VPS37A: variants seen among roughly 807,000 people sequenced by gnomAD.
VPS37A encodes vacuolar protein sorting-associated protein 37A.
VPS37A carries 30 observed loss-of-function variants against 49.8 expected under a neutral mutation model. The ratio of observed to expected loss-of-function variants is 0.60; its 90% confidence interval spans 0.45 to 0.82. VPS37A has a LOEUF of 0.82. Ranked by LOEUF, VPS37A falls within the 40% of genes least tolerant of loss-of-function variation. VPS37A has a pLI of 0.00. For missense variants in VPS37A, 593 were observed against 464.4 expected (o/e 1.28, Z -2.55); for synonymous variants, 195 against 160.6 (o/e 1.21, Z -1.62).
At chr8:17,260,400 A>G (rs73200928) in intron 1 of VPS37A, among the ~76,000 whole-genome samples, 5,413 of 152,198 alleles carry the variant, frequency 0.036, 149 homozygotes, top group Non-Finnish European at 0.051. Context: ...AGATTTTTAT[A>G]TTACCTATCT....
chr8:17,271,887 T>C (rs1360204285), intron 4 of VPS37A: 2 of 433,148 alleles, frequency 4.6e-6, no homozygotes, highest in Non-Finnish European at 9.2e-6. Context: ...TTGAGAATCT[T>C]AGGGAAGCTA....
intron 4 of VPS37A, among the ~76,000 whole-genome samples, chr8:17,274,186 G>C (rs752483375): frequency 6.6e-6 from 1 of 152,224 alleles, no homozygotes; most frequent in African/African-American, 2.4e-5. Context: ...ACATAATGCT[G>C]TGTGACTCTA....
intron 1 of VPS37A, among the ~76,000 whole-genome samples, chr8:17,257,715 T>G (rs1812600562): frequency 1.3e-5 from 2 of 152,224 alleles, no homozygotes. Flanking sequence ...AAATCTGTAA[T>G]TTGCTTTGGG....
chr8:17,275,921 C>T (rs114924131), intron 5 of VPS37A, among the ~76,000 whole-genome samples: 1 of 152,058 alleles, frequency 6.6e-6, no homozygotes, highest in African/African-American at 2.4e-5. Flanking sequence ...AACAAAATTA[C>T]AAGAGGACTT....
At chr8:17,257,042 G>C (rs1203610087) in intron 1 of VPS37A, among the ~76,000 whole-genome samples, 1 of 152,134 alleles carries the variant, frequency 6.6e-6, no homozygotes, top group Non-Finnish European at 1.5e-5. Flanking sequence ...TTTTCTTCTA[G>C]TAGTTCCATA....
chr8:17,300,426 A>G (rs1031812222), downstream of VPS37A: 3 of 588,274 alleles, frequency 5.1e-6, no homozygotes, highest in Middle Eastern at 4.5e-4. Context: ...TAAGGATAAT[A>G]CCTGCCTTGA....
downstream of VPS37A, among the ~76,000 whole-genome samples, chr8:17,303,857 G>A (rs746229952): frequency 9.2e-5 from 14 of 152,234 alleles, no homozygotes; most frequent in Middle Eastern, 3.4e-3. Flanking sequence ...TGATCCACCC[G>A]CCTCGGCTAA....
In VPS37A at chr8:17,274,878, A is replaced by C. The variant is rs1814365991; in HGVS notation, c.562A>C (p.Thr188Pro). ...TTCTTCTTCAACAACAAGTCATACC[A>C]CAGCCAAGCCTGCCGCTCCTTCATT... is the stretch of plus-strand genomic sequence containing the variant. ...TVSSSTTSHT[T>P]AKPAAPSFGV... The change falls in exon 5 of 12, where the codon ACA (threonine) becomes CCA (proline). Residue 188 changes from threonine to proline, a missense_variant. Physicochemically the swap from Thr to Pro is conservative, Grantham distance 38. Transcript: ENST00000324849. 5 of 1,614,108 alleles carry C rather than the reference A, an allele frequency of 3.1e-6. No individual in the cohort carries two copies. Among genetic ancestry groups the C allele is most frequent in the Non-Finnish European group, 4.2e-6 (5 of 1,180,004 alleles).
chr8:17,272,856 A>T (rs1300774567), intron 4 of VPS37A, among the ~76,000 whole-genome samples: 2 of 87,408 alleles, frequency 2.3e-5, no homozygotes, highest in African/African-American at 1.6e-4. Flanking sequence ...TCTCCGTGTC[A>T]CTTTTTTCCC....
intron 5 of VPS37A, among the ~76,000 whole-genome samples, 193 bp from the exon 6 acceptor site, chr8:17,276,204 C>T (rs570084869): frequency 6.6e-6 from 1 of 151,994 alleles, no homozygotes; most frequent in African/African-American, 2.4e-5. Flanking sequence ...AAAAGTAATC[C>T]TATGTATACG....
intron 11 of VPS37A, among the ~76,000 whole-genome samples, chr8:17,287,894 GC>G (rs1046286792): frequency 6.6e-6 from 1 of 152,076 alleles, no homozygotes; most frequent in African/African-American, 2.4e-5. Context: ...AGTCGACTGG[GC>G]TGAGGGAGTG....
intron 1 of VPS37A, 40 bp from the exon 2 acceptor site, chr8:17,265,867 T>C (rs1813400890): frequency 2.5e-6 from 4 of 1,612,340 alleles, no homozygotes; most frequent in African/African-American, 2.7e-5. Flanking sequence ...AATAATGGTT[T>C]CATGACTTTG....
chr8:17,258,185 A>G (rs1386525143), intron 1 of VPS37A, among the ~76,000 whole-genome samples: 1 of 152,066 alleles, frequency 6.6e-6, no homozygotes, highest in Non-Finnish European at 1.5e-5. Context: ...CCACTATTAT[A>G]TTGGATAAAA....
chr8:17,324,154 T>C, the VPS37A span, among the ~76,000 whole-genome samples: 148 of 152,228 alleles, frequency 9.7e-4, 1 homozygote, highest in Non-Finnish European at 1.7e-3. Flanking sequence ...CTTCCTGCCA[T>C]GATTTCTGCT....
At chr8:17,247,563 C>T (rs1382966693) in intron 1 of VPS37A, 194 bp downstream of exon 1, 1 of 788,558 alleles carries the variant, frequency 1.3e-6, no homozygotes, top group African/African-American at 1.7e-5. Flanking sequence ...TCCCTGCCTC[C>T]TGCCGCACCA....
chr8:17,301,658 A>G (rs930159560), downstream of VPS37A: 1 of 154,688 alleles, frequency 6.5e-6, no homozygotes, highest in African/African-American at 2.4e-5. Flanking sequence ...AAGTTATCCA[A>G]TTAGGAAAAG....
At chr8:17,321,255 A>G in the VPS37A span, among the ~76,000 whole-genome samples, 1 of 152,224 alleles carries the variant, frequency 6.6e-6, no homozygotes, top group Non-Finnish European at 1.5e-5. Context: ...GCAAGAGAGG[A>G]ATGGATGGCC....
intron 11 of VPS37A, among the ~76,000 whole-genome samples, chr8:17,294,161 G>A (rs11774813): frequency 0.2 from 30,503 of 152,204 alleles, 3,858 homozygotes; most frequent in East Asian, 0.6. Flanking sequence ...CAGAGAGGAG[G>A]AATCTAGAGA....
chr8:17,298,417 G>A (rs1254627700), downstream of VPS37A: 1 of 151,776 alleles, frequency 6.6e-6, no homozygotes, highest in Admixed American at 6.6e-5. Flanking sequence ...TAAATATGAT[G>A]AACACAATTA....
Sources: gnomAD v4.1 joint callset for allele counts (sites outside exome capture counted in the v4.1 genomes callset) on GRCh38, gnomAD v4.1.1 for gene constraint, MANE v1.5 for transcripts, NCBI Gene and HGNC (gene_info 2026-07-23, HGNC 2026-07-21) for gene names.